ENTPD1: variants seen among roughly 807,000 people sequenced by gnomAD.
ENTPD1 encodes ectonucleoside triphosphate diphosphohydrolase 1.
A neutral mutation model predicts 57.0 loss-of-function variants in ENTPD1; 33 were observed. That is an observed-to-expected ratio of 0.58 (90% CI 0.44 to 0.77). The LOEUF (loss-of-function observed/expected upper bound fraction) is 0.77. Ranked by LOEUF, ENTPD1 falls within the 30% of genes least tolerant of loss-of-function variation. The probability of loss-of-function intolerance (pLI) is 0.00; values close to 1 mark genes in which losing one functional copy is unlikely to be tolerated. For missense variants in ENTPD1, 501 were observed against 603.4 expected, an observed-to-expected ratio of 0.83 and a Z score of 1.78; for synonymous variants, 202 against 218.8, an observed-to-expected ratio of 0.92 and a Z score of 0.68.
chr10:95,694,203 G>A, the ENTPD1 span: 1 of 401,406 alleles, frequency 2.5e-6, no homozygotes, highest in South Asian at 2.6e-5. Context: ...GAGTTCGGCG[G>A]ACCGAGAGGT....
At chr10:95,820,822 G>A (rs139780520) in intron 1 of ENTPD1, among the ~76,000 whole-genome samples, 98 of 152,292 alleles carry the variant, frequency 6.4e-4, no homozygotes, top group Non-Finnish European at 1.2e-4. Context: ...TTGCTAACTA[G>A]ATTGTAAATT....
intron 1 of ENTPD1, among the ~76,000 whole-genome samples, chr10:95,731,040 T>C (rs867824619): frequency 4.9e-4 from 75 of 152,362 alleles, no homozygotes; most frequent in African/African-American, 1.7e-3. Context: ...TTTCTTCAAC[T>C]GTTTGGTCTC....
intron 2 of ENTPD1, among the ~76,000 whole-genome samples, chr10:95,830,793 ACT>A (rs2098394174): frequency 6.6e-6 from 1 of 152,114 alleles, no homozygotes; most frequent in Admixed American, 6.6e-5. Flanking sequence ...ACAGAGCGAG[ACT>A]CTGTCTCAAA....
chr10:95,778,471 T>C (rs1036528568), intron 1 of ENTPD1, among the ~76,000 whole-genome samples: 3 of 101,480 alleles, frequency 3.0e-5, no homozygotes, highest in Non-Finnish European at 6.5e-5. Flanking sequence ...ATTTTTCACA[T>C]ACCTAAAAGA....
At chr10:95,859,307 C>CCTGTTTCTTTGCCTACCAAAACT (rs1250485719) in intron 7 of ENTPD1, among the ~76,000 whole-genome samples, 8 of 152,326 alleles carry the variant, frequency 5.3e-5, no homozygotes, top group Non-Finnish European at 7.4e-5. Flanking sequence ...TCTGCTACCT[C>CCTGTTTCTTTGCCTACCAAAACT]CTGTTTCTTT....
At chr10:95,792,628 C>A (rs2098209595) in intron 1 of ENTPD1, among the ~76,000 whole-genome samples, 1 of 152,086 alleles carries the variant, frequency 6.6e-6, no homozygotes, top group African/African-American at 2.4e-5. Context: ...TAGGCTGTTG[C>A]CTCTCTCTCC....
At chr10:95,713,069 G>C (rs949016631) in intron 1 of ENTPD1, among the ~76,000 whole-genome samples, 1 of 151,264 alleles carries the variant, frequency 6.6e-6, no homozygotes, top group Admixed American at 6.6e-5. Flanking sequence ...GTGGCGGCAA[G>C]AGTCTTTGTT....
rs529558251 is a variant in ENTPD1 at position 95,847,378 on chromosome 10, A to C, written c.814-68A>C. 3.0e-4 allele frequency: 474 copies of C among 1,585,158 alleles called. 2 individuals are homozygous for C. The South Asian group carries it at 4.9e-3, about 17-fold the overall frequency. ...GTTGTACAGTGCCTACATATTGATT[A>C]AGTCAGACTGTACCTTTTGTATCCA... On this transcript the variant is annotated intron_variant, in intron 6 of 9. Transcript: ENST00000371205.
At chr10:95,862,999 G>T (rs2098467834) in intron 8 of ENTPD1, among the ~76,000 whole-genome samples, 1 of 152,192 alleles carries the variant, frequency 6.6e-6, no homozygotes, top group Non-Finnish European at 1.5e-5. Flanking sequence ...GGGAAGGTGG[G>T]AGAGAGAGGA....
intron 1 of ENTPD1, among the ~76,000 whole-genome samples, chr10:95,803,997 A>G (rs1321331973): frequency 6.6e-6 from 1 of 152,202 alleles, no homozygotes; most frequent in Non-Finnish European, 1.5e-5. Context: ...AGGTTTGTCA[A>G]AGATCAGGTG....
chr10:95,806,999 T>A (rs572875589), intron 1 of ENTPD1, among the ~76,000 whole-genome samples: 145 of 152,308 alleles, frequency 9.5e-4, no homozygotes, highest in African/African-American at 3.3e-3. Flanking sequence ...CTGTCCGTTT[T>A]CAGAGCTCAA....
chr10:95,765,447 T>G (rs2098084956), intron 1 of ENTPD1, among the ~76,000 whole-genome samples: 1 of 152,220 alleles, frequency 6.6e-6, no homozygotes, highest in African/African-American at 2.4e-5. Context: ...AAAAGATTAT[T>G]ATTTTCTCCA....
intron 8 of ENTPD1, among the ~76,000 whole-genome samples, chr10:95,864,265 A>G (rs886275721): frequency 2.0e-5 from 3 of 152,172 alleles, no homozygotes; most frequent in African/African-American, 7.2e-5. Context: ...CTGAATTGGT[A>G]GTTTTAAGGT....
At chr10:95,778,702 A>ATTGTACACTT (rs1216722113) in intron 1 of ENTPD1, among the ~76,000 whole-genome samples, 6 of 152,144 alleles carry the variant, frequency 3.9e-5, no homozygotes, top group Non-Finnish European at 8.8e-5. Flanking sequence ...TTTAAATAAA[A>ATTGTACACTT]TTGTACACTT....
chr10:95,727,547 G>A (rs189036330), intron 1 of ENTPD1, among the ~76,000 whole-genome samples: 8 of 152,226 alleles, frequency 5.3e-5, no homozygotes, highest in African/African-American at 1.9e-4. Context: ...ATGTGCCGTG[G>A]GAAGAATGCA....
chr10:95,710,410 A>T (rs10786232), upstream of ENTPD1, among the ~76,000 whole-genome samples: 126,069 of 151,942 alleles, frequency 0.83, 52,784 homozygotes, highest in Non-Finnish European at 0.89. Context: ...TTTAAAAAAA[A>T]TTTTTTTTAA....
chr10:95,767,140 C>A (rs2098091849), intron 1 of ENTPD1, among the ~76,000 whole-genome samples: 1 of 151,104 alleles, frequency 6.6e-6, no homozygotes. Context: ...TGGTGAAACC[C>A]CATCTCTACT....
intron 1 of ENTPD1, among the ~76,000 whole-genome samples, chr10:95,779,970 C>T (rs899174138): frequency 1.3e-5 from 2 of 152,052 alleles, no homozygotes; most frequent in African/African-American, 4.8e-5. Flanking sequence ...TAGTTCGATA[C>T]AACTAGGAGG....
At chr10:95,851,578 C>A (rs548051125) in intron 7 of ENTPD1, among the ~76,000 whole-genome samples, 1 of 124,398 alleles carries the variant, frequency 8.0e-6, no homozygotes, top group Non-Finnish European at 1.7e-5. Context: ...ATCCCTCCCC[C>A]CTCCCCCCAC....
Sources: allele counts gnomAD v4.1 joint callset (sites outside exome capture counted in the v4.1 genomes callset), GRCh38; gene constraint gnomAD v4.1.1; transcripts MANE v1.5; gene names NCBI Gene and HGNC (gene_info 2026-07-23, HGNC 2026-07-21).